CTNNA2: variants seen among roughly 807,000 people sequenced by gnomAD.
CTNNA2 encodes catenin alpha-2.
A neutral mutation model predicts 101.0 loss-of-function variants in CTNNA2; 42 were observed. The observed-to-expected ratio is 0.42, with a 90% CI of 0.32 to 0.54. The LOEUF (loss-of-function observed/expected upper bound fraction) is 0.54. CTNNA2 is among the 20% of genes least tolerant of loss of function. The probability of loss-of-function intolerance (pLI) is 0.14; values close to 1 mark genes in which losing one functional copy is unlikely to be tolerated. For missense variants in CTNNA2, 871 were observed against 1,223.1 expected (o/e 0.71, Z 4.29); for synonymous variants, 450 against 456.4 (o/e 0.99, Z 0.18).
At chr2:79,577,867 GGAA>G (rs1454170598) in intron 1 of CTNNA2, among the ~76,000 whole-genome samples, 1 of 152,052 alleles carries the variant, frequency 6.6e-6, no homozygotes, top group African/African-American at 2.4e-5. Flanking sequence ...CCTATGTTTA[GGAA>G]GAAGTTGATT....
intron 7 of CTNNA2, among the ~76,000 whole-genome samples, chr2:80,206,642 C>A (rs1022252121): frequency 1.3e-5 from 2 of 152,164 alleles, no homozygotes; most frequent in African/African-American, 4.8e-5. Context: ...TCTGTGTTAC[C>A]TGCATCTTGT....
rs369030941 is a variant in CTNNA2 at position 79,664,958 on chromosome 2, G to A, written c.102+13300G>A. ...GATCTCCTGACCTCGTGATCCGCCC[G>A]TCTCGGCCTCCCAAAGTGCTAGGAT... On this transcript the variant is annotated intron_variant, in intron 2 of 18. Coordinates refer to ENST00000402739, the MANE Select transcript of CTNNA2 (RefSeq NM_001282597.3). 1.3e-3 allele frequency among the ~76,000 whole-genome samples: 202 copies of A among 152,054 alleles called. 11 individuals are homozygous for A. In the South Asian group the frequency reaches 0.036, roughly 27 times the overall value.
At chr2:79,667,557 C>T (rs930085526) in intron 2 of CTNNA2, among the ~76,000 whole-genome samples, 4 of 151,958 alleles carry the variant, frequency 2.6e-5, no homozygotes, top group African/African-American at 9.7e-5. Context: ...ATTTTTATAC[C>T]TAACACAATC....
At chr2:79,411,793 G>A (rs1323986995) in intron 4 of CTNNA2, among the ~76,000 whole-genome samples, 1 of 152,086 alleles carries the variant, frequency 6.6e-6, no homozygotes, top group African/African-American at 2.4e-5. Context: ...GCAAAATCAT[G>A]CCAAAATGTA....
chr2:80,307,514 T>C (rs1308042830), intron 7 of CTNNA2, among the ~76,000 whole-genome samples: 3 of 152,286 alleles, frequency 2.0e-5, no homozygotes, highest in African/African-American at 7.2e-5. Flanking sequence ...TTTTTTTCTT[T>C]CCTCCTGCTT....
chr2:80,630,396 T>C (rs1043214028), intron 18 of CTNNA2, among the ~76,000 whole-genome samples: 3 of 152,158 alleles, frequency 2.0e-5, no homozygotes, highest in Admixed American at 6.6e-5. Flanking sequence ...CCCAGCACTT[T>C]GGGAGGCCGA....
At chr2:79,611,272 T>A (rs1678252108) in intron 1 of CTNNA2, among the ~76,000 whole-genome samples, 1 of 152,136 alleles carries the variant, frequency 6.6e-6, no homozygotes, top group African/African-American at 2.4e-5. Context: ...AATATCTTTT[T>A]AATCTTGAGG....
chr2:80,279,060 G>GTGTGTGTGTA (rs1674154420), intron 7 of CTNNA2, among the ~76,000 whole-genome samples: 1 of 150,946 alleles, frequency 6.6e-6, no homozygotes, highest in Admixed American at 6.6e-5. Context: ...GTGTGTGTGT[G>GTGTGTGTGTA]TGTGTGTGTG....
At chr2:80,631,832 C>G (rs1408037284) in intron 18 of CTNNA2, among the ~76,000 whole-genome samples, 1 of 152,060 alleles carries the variant, frequency 6.6e-6, no homozygotes, top group Non-Finnish European at 1.5e-5. Flanking sequence ...CTCCCTAAGC[C>G]TCAGTTTCCT....
At chr2:80,371,207 A>G (rs1232778196) in intron 7 of CTNNA2, among the ~76,000 whole-genome samples, 3 of 152,298 alleles carry the variant, frequency 2.0e-5, no homozygotes, top group Admixed American at 6.5e-5. Flanking sequence ...CCAAGATGCC[A>G]TATATTGAGG....
rs117985937 is a variant in CTNNA2, at chr2:79,439,957, T to C, written c.-134-65097T>C. On this transcript the variant is annotated intron_variant, in intron 4 of 21. Coordinates refer to the CTNNA2 transcript ENST00000466387. Reference sequence around the variant, plus strand: ...AGGGAAACATGCGAAGGTAAACTATTAGATTTTTAATAATAATAAATAATA... The same window carrying C: ...AGGGAAACATGCGAAGGTAAACTATCAGATTTTTAATAATAATAAATAATA... 8.2e-3 allele frequency among the ~76,000 whole-genome samples: 1,253 copies of C among 152,262 alleles called. 53 individuals are homozygous for C. The highest frequency in any genetic ancestry group is 0.062 in the Admixed American group (944 of 15,288).
At chr2:80,596,784 TC>T (rs1181192774) in intron 15 of CTNNA2, among the ~76,000 whole-genome samples, 4 of 139,292 alleles carry the variant, frequency 2.9e-5, no homozygotes, top group East Asian at 2.1e-4. Context: ...TTGTCTTGTG[TC>T]CGGTTTTCAA....
intron 7 of CTNNA2, among the ~76,000 whole-genome samples, chr2:80,204,870 G>A (rs918918369): frequency 6.6e-6 from 1 of 151,988 alleles, no homozygotes; most frequent in Admixed American, 6.6e-5. Context: ...CCACATGGCT[G>A]GGAAGGCCTC....
chr2:80,292,127 C>A (rs1675316946), intron 7 of CTNNA2, among the ~76,000 whole-genome samples: 1 of 152,090 alleles, frequency 6.6e-6, no homozygotes, highest in Non-Finnish European at 1.5e-5. Context: ...CTGATTCAAC[C>A]CCTTCCTGGC....
intron 5 of CTNNA2, 118 bp downstream of exon 5, chr2:79,870,053 C>T (rs1461826395): frequency 1.5e-6 from 2 of 1,320,344 alleles, no homozygotes; most frequent in Admixed American, 4.2e-5. Context: ...GCCCTAAGAA[C>T]CTGTGATGAC....
chr2:79,672,275 G>T (rs1415481790), intron 2 of CTNNA2, among the ~76,000 whole-genome samples: 2 of 151,770 alleles, frequency 1.3e-5, no homozygotes, highest in African/African-American at 2.4e-5. Context: ...ATCATGAAAA[G>T]GTAACCAAAA....
intron 7 of CTNNA2, among the ~76,000 whole-genome samples, chr2:80,026,646 AT>A (rs1249596623): frequency 4.7e-4 from 72 of 151,892 alleles, no homozygotes; most frequent in Admixed American, 4.6e-3. Flanking sequence ...ATTAGCTTTA[AT>A]TTTTTTTATT....
chr2:79,690,125 T>C (rs935644481), intron 2 of CTNNA2, among the ~76,000 whole-genome samples: 16 of 151,984 alleles, frequency 1.1e-4, no homozygotes, highest in African/African-American at 3.9e-4. Flanking sequence ...GAAAACTGCA[T>C]GTATTAGTAC....
At chr2:79,563,980 TTA>T (rs1411753994) in intron 1 of CTNNA2, among the ~76,000 whole-genome samples, 2 of 152,106 alleles carry the variant, frequency 1.3e-5, no homozygotes, top group Non-Finnish European at 2.9e-5. Context: ...CCAGGATGCA[TTA>T]CTGGAGCCTG....
Sources: allele counts gnomAD v4.1 joint callset (sites outside exome capture counted in the v4.1 genomes callset), GRCh38; gene constraint gnomAD v4.1.1; transcripts MANE v1.5; gene names NCBI Gene and HGNC (gene_info 2026-07-23, HGNC 2026-07-21).